The following MAGI1 variants were observed in gnomAD, a reference collection of about 807,000 sequenced individuals.
The protein encoded by MAGI1 is membrane associated guanylate kinase, WW and PDZ domain containing 1, also known as membrane-associated guanylate kinase, WW and PDZ domain-containing protein 1.
In MAGI1, 58 loss-of-function variants were observed where a neutral mutation model predicts 139.9. That is an observed-to-expected ratio of 0.41 (90% CI 0.34 to 0.52). MAGI1 has a LOEUF of 0.52. MAGI1 is among the 20% of genes least tolerant of loss of function. The probability of loss-of-function intolerance (pLI) is 0.12; values close to 1 mark genes in which losing one functional copy is unlikely to be tolerated. For synonymous variants in MAGI1, 812 were observed against 737.9 expected, an observed-to-expected ratio of 1.10 and a Z score of -1.63; for missense variants, 1,874 against 1,901.6, an observed-to-expected ratio of 0.99 and a Z score of 0.27.
intron 18 of MAGI1, among the ~76,000 whole-genome samples, chr3:65,372,433 T>C (rs1022838381): frequency 1.3e-5 from 2 of 152,192 alleles, no homozygotes; most frequent in African/African-American, 4.8e-5. Context: ...GTTCCATTTC[T>C]AGAGCACAGG....
intron 2 of MAGI1, among the ~76,000 whole-genome samples, chr3:65,619,214 A>T (rs1204394494): frequency 6.6e-6 from 1 of 152,188 alleles, no homozygotes; most frequent in Non-Finnish European, 1.5e-5. Flanking sequence ...CAAATGGTAC[A>T]ATTTTGAGAA....
chr3:65,891,008 T>C (rs994120850), intron 1 of MAGI1, among the ~76,000 whole-genome samples: 10 of 150,226 alleles, frequency 6.7e-5, no homozygotes, highest in Non-Finnish European at 8.9e-5. Flanking sequence ...AGGCCAGGAG[T>C]TCAAGACCAG....
intron 2 of MAGI1, among the ~76,000 whole-genome samples, chr3:65,543,759 G>C (rs907498819): frequency 2.0e-5 from 3 of 151,950 alleles, no homozygotes; most frequent in Non-Finnish European, 4.4e-5. Flanking sequence ...CAGGGATGGG[G>C]GGGGGTACAA....
At chr3:65,446,540 T>C (rs550723496) in intron 7 of MAGI1, among the ~76,000 whole-genome samples, 1 of 151,964 alleles carries the variant, frequency 6.6e-6, no homozygotes, top group Non-Finnish European at 1.5e-5. Flanking sequence ...GCAAATAAGG[T>C]TGTGCTCCTG....
chr3:66,037,486 A>T (rs1330265572), intron 1 of MAGI1, among the ~76,000 whole-genome samples: 2 of 152,140 alleles, frequency 1.3e-5, no homozygotes, highest in South Asian at 2.1e-4. Context: ...AGGAACCGCC[A>T]GGCAGTGGTG....
At chr3:65,841,408 T>TTGTTTTG (rs2058799940) in intron 1 of MAGI1, among the ~76,000 whole-genome samples, 1 of 151,272 alleles carries the variant, frequency 6.6e-6, no homozygotes. Context: ...TTTCTTTGTT[T>TTGTTTTG]TTTTGTTTTG....
At chr3:66,027,361 T>C (rs2068340697) in intron 1 of MAGI1, among the ~76,000 whole-genome samples, 1 of 151,952 alleles carries the variant, frequency 6.6e-6, no homozygotes, top group South Asian at 2.1e-4. Flanking sequence ...TGGAGTGCAG[T>C]GGTTCCATCA....
chr3:66,024,739 G>A (rs974523268), intron 1 of MAGI1, among the ~76,000 whole-genome samples: 1 of 152,192 alleles, frequency 6.6e-6, no homozygotes, highest in Admixed American at 6.5e-5. Context: ...CCAGGAGGCG[G>A]AGGTTGCAGT....
chr3:65,635,816 T>C (rs1368829499), intron 1 of MAGI1, among the ~76,000 whole-genome samples: 1 of 152,258 alleles, frequency 6.6e-6, no homozygotes, highest in Non-Finnish European at 1.5e-5. Flanking sequence ...TGTATTCTAA[T>C]ATGATCTGAC....
chr3:65,539,805 T>C (rs1463976372), intron 2 of MAGI1, among the ~76,000 whole-genome samples: 1 of 152,206 alleles, frequency 6.6e-6, no homozygotes, highest in East Asian at 1.9e-4. Context: ...TGCTTTCTAA[T>C]TAACCTTTCA....
chr3:65,358,733 T>C (rs1220975287), intron 22 of MAGI1, among the ~76,000 whole-genome samples: 3 of 152,176 alleles, frequency 2.0e-5, no homozygotes, highest in Admixed American at 1.3e-4. Context: ...TCTTCCCATC[T>C]AGCAAAGCCC....
chr3:65,747,098 C>G (rs183668537), intron 1 of MAGI1, among the ~76,000 whole-genome samples: 1 of 152,290 alleles, frequency 6.6e-6, no homozygotes, highest in Admixed American at 6.5e-5. Context: ...GCCAGGAAGT[C>G]AAAGCCAGCC....
chr3:65,921,204 A>G (rs1223636457), intron 1 of MAGI1, among the ~76,000 whole-genome samples: 2 of 152,220 alleles, frequency 1.3e-5, no homozygotes, highest in Non-Finnish European at 1.5e-5. Context: ...CCATGTTGGA[A>G]GAAAGCTACT....
Position 65,679,914 on chromosome 3 carries a change from G to A in MAGI1, c.314-57826C>T, listed in dbSNP as rs2087462910. Among the ~76,000 whole-genome samples, 6 of 152,202 alleles carry A rather than the reference G, an allele frequency of 3.9e-5. No individual in the cohort carries two copies. The South Asian group carries it at 1.2e-3, about 32-fold the overall frequency. The stretch of plus-strand genomic sequence containing the variant: ...TAGTTTCCATGAAGCTGGCTTGGGT[G>A]GTAGCAAAGACTAGGACTACTGTAG... On this transcript the variant is annotated intron_variant, in intron 1 of 22. Coordinates refer to ENST00000402939, the MANE Select transcript of MAGI1 (RefSeq NM_001033057.2).
chr3:66,035,997 G>A (rs968724334), intron 1 of MAGI1, among the ~76,000 whole-genome samples: 5 of 152,164 alleles, frequency 3.3e-5, no homozygotes, highest in African/African-American at 1.2e-4. Context: ...GGACCCGTTA[G>A]ACACTGCGAG....
intron 4 of MAGI1, among the ~76,000 whole-genome samples, chr3:65,477,539 G>C (rs1397084463): frequency 6.6e-6 from 1 of 151,936 alleles, no homozygotes; most frequent in Non-Finnish European, 1.5e-5. Context: ...GAAGAAACAA[G>C]GTGTTCGTCT....
intron 2 of MAGI1, among the ~76,000 whole-genome samples, chr3:65,498,658 G>C (rs540875157): frequency 6.6e-6 from 1 of 152,302 alleles, no homozygotes; most frequent in African/African-American, 2.4e-5. Context: ...AAGTTGGGCA[G>C]AGCCATGGTC....
At chr3:65,600,144 A>G (rs2082411773) in intron 2 of MAGI1, among the ~76,000 whole-genome samples, 1 of 152,212 alleles carries the variant, frequency 6.6e-6, no homozygotes, top group Non-Finnish European at 1.5e-5. Flanking sequence ...TTTGTATTTT[A>G]TTAGTTTTCC....
At chr3:65,490,773 G>C (rs1320618379) in intron 3 of MAGI1, among the ~76,000 whole-genome samples, 2 of 149,812 alleles carry the variant, frequency 1.3e-5, no homozygotes, top group African/African-American at 2.5e-5. Context: ...GAACATGGGA[G>C]GGGGAGGGTG....
Sources: allele counts gnomAD v4.1 joint callset (sites outside exome capture counted in the v4.1 genomes callset), GRCh38; gene constraint gnomAD v4.1.1; transcripts MANE v1.5; gene names NCBI Gene and HGNC (gene_info 2026-07-23, HGNC 2026-07-21).